Variants in SAMD12 observed in about 807,000 individuals in gnomAD.
The protein encoded by SAMD12 is sterile alpha motif domain containing 12.
SAMD12 carries 9 observed loss-of-function variants against 15.0 expected under a neutral mutation model. The observed-to-expected ratio is 0.60, with a 90% confidence interval of 0.36 to 1.05. SAMD12 has a LOEUF of 1.05. Ranked by LOEUF, SAMD12 falls within the 50% of genes least tolerant of loss-of-function variation. The pLI is 0.01. For synonymous variants in SAMD12, 86 were observed against 90.1 expected (o/e 0.96, Z 0.25); for missense variants, 230 against 234.2 (o/e 0.98, Z 0.12).
intron 2 of SAMD12, among the ~76,000 whole-genome samples, chr8:118,465,595 C>T (rs1586739215): frequency 6.6e-6 from 1 of 152,110 alleles, no homozygotes; most frequent in Admixed American, 6.5e-5. Flanking sequence ...TTCTCATGAC[C>T]CTGTCAAGGG....
intron 2 of SAMD12, among the ~76,000 whole-genome samples, chr8:118,502,664 C>T (rs1021543373): frequency 1.3e-5 from 2 of 152,160 alleles, no homozygotes; most frequent in Admixed American, 6.5e-5. Flanking sequence ...TCAAAGCAAA[C>T]ATCTGTTGAA....
Position 118,388,866 on chromosome 8 carries a change from A to C in SAMD12, c.323-9166T>G, listed in dbSNP as rs141901185. On this transcript the variant is annotated intron_variant, in intron 3 of 3. Transcript: ENST00000314727. The stretch of plus-strand genomic sequence containing the variant: ...GCCAACAGAGAGACCAGAGCTGGGA[A>C]AGAGTAAAGTAGGGTGAGAGGAGAA... 9.2e-4 allele frequency among the ~76,000 whole-genome samples: 140 copies of C among 152,306 alleles called. 2 individuals carry two copies. In the East Asian group the frequency reaches 0.023, roughly 25 times the overall value.
At chr8:118,333,848 G>C (rs554616698) in intron 4 of SAMD12, among the ~76,000 whole-genome samples, 5 of 151,402 alleles carry the variant, frequency 3.3e-5, no homozygotes, top group Non-Finnish European at 7.4e-5. Context: ...CGTTGGCGGG[G>C]GGCGGGGGTA....
chr8:118,486,658 G>T (rs928908150), intron 2 of SAMD12, among the ~76,000 whole-genome samples: 1 of 152,114 alleles, frequency 6.6e-6, no homozygotes, highest in African/African-American at 2.4e-5. Flanking sequence ...TATGCACACA[G>T]AACTATAATA....
At chr8:118,506,902 C>A (rs934125602) in intron 2 of SAMD12, among the ~76,000 whole-genome samples, 12 of 151,720 alleles carry the variant, frequency 7.9e-5, no homozygotes, top group Non-Finnish European at 1.6e-4. Flanking sequence ...TACTGTCTGC[C>A]ATCATGAAGC....
chr8:118,387,471 C>A (rs561830223), intron 3 of SAMD12, among the ~76,000 whole-genome samples: 1 of 52,738 alleles, frequency 1.9e-5, no homozygotes, highest in Admixed American at 2.3e-4. Context: ...CTCCCCTCCT[C>A]CTCCTCATAA....
intron 4 of SAMD12, among the ~76,000 whole-genome samples, chr8:118,265,525 G>GT (rs1254790284): frequency 6.6e-6 from 1 of 152,026 alleles, no homozygotes; most frequent in Non-Finnish European, 1.5e-5. Flanking sequence ...TCCAGAATGA[G>GT]TTACCCTTAT....
downstream of SAMD12, among the ~76,000 whole-genome samples, chr8:118,189,088 C>A (rs2129718031): frequency 6.6e-6 from 1 of 151,996 alleles, no homozygotes; most frequent in East Asian, 1.9e-4. Flanking sequence ...ATCTGTTGTC[C>A]CATCTCTTCC....
intron 3 of SAMD12, among the ~76,000 whole-genome samples, chr8:118,389,267 T>C (rs1326164789): frequency 6.6e-6 from 1 of 152,242 alleles, no homozygotes; most frequent in East Asian, 1.9e-4. Context: ...TGACTGCATA[T>C]TTATGTATGC....
chr8:118,398,879 T>G (rs1043891114), intron 3 of SAMD12, among the ~76,000 whole-genome samples: 2 of 151,880 alleles, frequency 1.3e-5, no homozygotes, highest in African/African-American at 2.4e-5. Context: ...GCTGTTTTTT[T>G]TGTGTGTGTT....
the SAMD12 span, among the ~76,000 whole-genome samples, chr8:118,173,705 CT>C: frequency 6.7e-6 from 1 of 150,114 alleles, no homozygotes; most frequent in Non-Finnish European, 1.5e-5. Flanking sequence ...TCTCAGCTCA[CT>C]GCCACCTCTG....
At chr8:118,251,467 G>C (rs569306504) in intron 4 of SAMD12, among the ~76,000 whole-genome samples, 2 of 152,182 alleles carry the variant, frequency 1.3e-5, no homozygotes, top group Non-Finnish European at 2.9e-5. Flanking sequence ...TTTCCAGTCC[G>C]TCTAGTGTTC....
intron 3 of SAMD12, among the ~76,000 whole-genome samples, chr8:118,381,322 C>G (rs935069784): frequency 5.3e-5 from 8 of 152,254 alleles, no homozygotes; most frequent in African/African-American, 1.2e-4. Flanking sequence ...CAGGCAGATT[C>G]TGGTGGTCAT....
At chr8:118,547,896 C>T (rs1292835281) in intron 2 of SAMD12, among the ~76,000 whole-genome samples, 1 of 152,044 alleles carries the variant, frequency 6.6e-6, no homozygotes, top group Non-Finnish European at 1.5e-5. Flanking sequence ...AAACACTGTT[C>T]ATCCTCACAC....
At chr8:118,460,580 G>A (rs1210828595) in intron 2 of SAMD12, among the ~76,000 whole-genome samples, 1 of 152,184 alleles carries the variant, frequency 6.6e-6, no homozygotes, top group African/African-American at 2.4e-5. Flanking sequence ...TAGACAAACA[G>A]GGTATCTCTA....
At chr8:118,481,713 G>A (rs555002809) in intron 2 of SAMD12, among the ~76,000 whole-genome samples, 1 of 151,312 alleles carries the variant, frequency 6.6e-6, no homozygotes, top group South Asian at 2.1e-4. Flanking sequence ...TTATAAATGT[G>A]TGGGCACAAC....
chr8:118,361,061 AC>A lies in SAMD12; in HGVS notation c.433+18498del, dbSNP rs368782582. 4.8e-3 allele frequency among the ~76,000 whole-genome samples: 727 copies of A among 152,258 alleles called. 8 individuals carry two copies. The highest frequency in any genetic ancestry group is 0.018 in the South Asian group (87 of 4,822). ...TGGCAAAATTCTCCAGTGTCACCTC[AC>A]AACTACCCCCTGCTCTAGCAAAATA... is the stretch of plus-strand genomic sequence containing the variant. On this transcript the variant is annotated intron_variant, in intron 4 of 4. Transcript: ENST00000409003.
chr8:118,484,226 C>T (rs373720554), intron 2 of SAMD12, among the ~76,000 whole-genome samples: 6 of 152,114 alleles, frequency 3.9e-5, no homozygotes, highest in East Asian at 3.9e-4. Context: ...AGGTGGAATT[C>T]GTAACCGATC....
the SAMD12 span, among the ~76,000 whole-genome samples, chr8:118,153,462 G>T: frequency 1.3e-5 from 2 of 152,116 alleles, no homozygotes; most frequent in Admixed American, 6.5e-5. Context: ...CAAAGCATGT[G>T]GACAGAGAGG....
Sources: gnomAD v4.1 joint callset for allele counts (sites outside exome capture counted in the v4.1 genomes callset) on GRCh38, gnomAD v4.1.1 for gene constraint, MANE v1.5 for transcripts, NCBI Gene and HGNC (gene_info 2026-07-23, HGNC 2026-07-21) for gene names.